Variants in INTS9 observed in about 807,000 individuals in gnomAD.
The protein encoded by INTS9 is integrator complex subunit 9, also known as protein related to CPSF subunits of 74 kDa.
Under a neutral mutation model 79.7 loss-of-function variants are expected in INTS9, and 55 were observed. The observed-to-expected ratio is 0.69, with a 90% CI of 0.56 to 0.86. The LOEUF is 0.86. Among genes scored for constraint, INTS9 ranks in the 40% least tolerant of loss-of-function variants. The probability of loss-of-function intolerance (pLI) is 0.00; values close to 1 mark genes in which losing one functional copy is unlikely to be tolerated. For missense variants in INTS9, 721 were observed against 831.5 expected, an observed-to-expected ratio of 0.87 and a Z score of 1.64; for synonymous variants, 319 against 325.2, an observed-to-expected ratio of 0.98 and a Z score of 0.20.
chr8:28,830,274 G>A (rs946301970), intron 6 of INTS9, among the ~76,000 whole-genome samples: 3 of 152,062 alleles, frequency 2.0e-5, no homozygotes, highest in Admixed American at 2.0e-4. Flanking sequence ...TAGAACTCTG[G>A]TCCAAGATTA....
intron 1 of INTS9, among the ~76,000 whole-genome samples, chr8:28,889,515 A>G (rs928567782): frequency 6.6e-6 from 1 of 152,198 alleles, no homozygotes; most frequent in African/African-American, 2.4e-5. Flanking sequence ...TCAAGCGCCA[A>G]TCGAATGGAA....
At chr8:28,863,788 CA>C (rs939413643) in intron 1 of INTS9, among the ~76,000 whole-genome samples, 1 of 152,068 alleles carries the variant, frequency 6.6e-6, no homozygotes, top group Non-Finnish European at 1.5e-5. Flanking sequence ...TCTCAAAAAA[CA>C]AAAACAAAAA....
At chr8:28,861,464 G>A (rs888440672) in intron 1 of INTS9, among the ~76,000 whole-genome samples, 2 of 152,154 alleles carry the variant, frequency 1.3e-5, no homozygotes, top group Non-Finnish European at 2.9e-5. Context: ...ATTCAGAAAA[G>A]CATGGAAGAA....
chr8:28,795,419 A>G (rs1001103447), intron 9 of INTS9, among the ~76,000 whole-genome samples: 1 of 152,088 alleles, frequency 6.6e-6, no homozygotes, highest in Non-Finnish European at 1.5e-5. Context: ...AGGCGGACGG[A>G]TCATGAGGTC....
chr8:28,836,518 C>T (rs1806814280), intron 5 of INTS9, among the ~76,000 whole-genome samples: 1 of 151,908 alleles, frequency 6.6e-6, no homozygotes. Flanking sequence ...AACTAAACAA[C>T]TTCATTTCAT....
intron 8 of INTS9, among the ~76,000 whole-genome samples, chr8:28,797,523 G>A (rs544174825): frequency 6.6e-6 from 1 of 152,284 alleles, no homozygotes; most frequent in Admixed American, 6.5e-5. Flanking sequence ...TGTGAACTAG[G>A]AACTCCCAGG....
rs570296899 is a variant in INTS9 at position 28,802,264 on chromosome 8, G to A, written c.745-5609C>T. Among the ~76,000 whole-genome samples, 21 of 152,314 alleles carry A rather than the reference G, an allele frequency of 1.4e-4. No homozygotes were observed. In the South Asian group the frequency reaches 4.4e-3, roughly 32 times the overall value. On this transcript the variant is annotated intron_variant, in intron 8 of 16. Transcript: ENST00000521022. ...CTCAGGGTCCCCAGAAATAAAAAGC[G>A]AAGTCTGTGTCAATGTGCATAAATG... is the stretch of plus-strand genomic sequence containing the variant.
intron 7 of INTS9, among the ~76,000 whole-genome samples, 176 bp from the exon 8 acceptor site, chr8:28,812,637 G>A (rs1484264560): frequency 6.6e-6 from 1 of 152,220 alleles, no homozygotes; most frequent in Non-Finnish European, 1.5e-5. Flanking sequence ...TTGGGAGGCT[G>A]AGGCCAGGAG....
At chr8:28,879,074 C>T (rs1010525927) in intron 1 of INTS9, among the ~76,000 whole-genome samples, 3 of 152,128 alleles carry the variant, frequency 2.0e-5, no homozygotes, top group Non-Finnish European at 2.9e-5. Flanking sequence ...CATTTTCCAA[C>T]GCATTCTATG....
intron 6 of INTS9, among the ~76,000 whole-genome samples, chr8:28,821,085 G>C (rs1805800345): frequency 6.6e-6 from 1 of 152,098 alleles, no homozygotes; most frequent in Non-Finnish European, 1.5e-5. Context: ...TTAGGGCAGA[G>C]AATGTACATG....
At chr8:28,825,802 T>C (rs1806111438) in intron 6 of INTS9, among the ~76,000 whole-genome samples, 1 of 152,242 alleles carries the variant, frequency 6.6e-6, no homozygotes. Flanking sequence ...TTGTCCTCAA[T>C]AACCCAGAAC....
intron 8 of INTS9, among the ~76,000 whole-genome samples, chr8:28,797,536 A>C (rs980739923): frequency 1.5e-4 from 23 of 152,338 alleles, no homozygotes; most frequent in Middle Eastern, 3.4e-3. Flanking sequence ...CTCCCAGGGC[A>C]CACTACTATG....
chr8:28,771,232 C>A (rs954475823), intron 14 of INTS9, 152 bp from the exon 15 acceptor site: 1 of 687,886 alleles, frequency 1.5e-6, no homozygotes, highest in African/African-American at 1.8e-5. Flanking sequence ...CTTGCTCTGT[C>A]GCCCAGGTGA....
chr8:28,874,100 ATTC>A (rs149465504), intron 1 of INTS9, among the ~76,000 whole-genome samples: 1,588 of 152,180 alleles, frequency 0.01, 31 homozygotes, highest in African/African-American at 0.036. Context: ...AAGCTCCCTA[ATTC>A]TTCTTGTTTT....
chr8:28,863,997 T>G (rs1320495540), intron 1 of INTS9, among the ~76,000 whole-genome samples: 1 of 152,208 alleles, frequency 6.6e-6, no homozygotes, highest in African/African-American at 2.4e-5. Flanking sequence ...AATAAAAATT[T>G]TATCAGTTAT....
At chr8:28,877,506 T>C (rs184034577) in intron 1 of INTS9, among the ~76,000 whole-genome samples, 1 of 152,254 alleles carries the variant, frequency 6.6e-6, no homozygotes, top group African/African-American at 2.4e-5. Context: ...CAATAAACCT[T>C]AATAAAAAAT....
chr8:28,790,201 C>T (rs1180659480), intron 10 of INTS9, among the ~76,000 whole-genome samples: 2 of 152,188 alleles, frequency 1.3e-5, no homozygotes, highest in African/African-American at 4.8e-5. Context: ...CTGTGAAGCA[C>T]CCGTTCAGAA....
chr8:28,807,799 A>C (rs1379422627), intron 8 of INTS9, among the ~76,000 whole-genome samples: 1 of 152,200 alleles, frequency 6.6e-6, no homozygotes, highest in Admixed American at 6.5e-5. Context: ...TTCCTTTTAC[A>C]GCCTTATACA....
chr8:28,818,999 T>A (rs1455383614), intron 6 of INTS9, among the ~76,000 whole-genome samples: 114 of 152,186 alleles, frequency 7.5e-4, no homozygotes, highest in Non-Finnish European at 1.1e-3. Flanking sequence ...GGTGGTGATA[T>A]CCCCTTTATC....
Sources: gnomAD v4.1 joint callset for allele counts (sites outside exome capture counted in the v4.1 genomes callset) on GRCh38, gnomAD v4.1.1 for gene constraint, MANE v1.5 for transcripts, NCBI Gene and HGNC (gene_info 2026-07-23, HGNC 2026-07-21) for gene names.